The following CDK14 variants were observed in gnomAD, a reference collection of about 807,000 sequenced individuals.
CDK14 encodes cyclin dependent kinase 14, also known as cyclin-dependent kinase 14.
In CDK14, 34 loss-of-function variants were observed where a neutral mutation model predicts 60.7. That is an observed-to-expected ratio of 0.56 (90% confidence interval 0.43 to 0.75). The LOEUF (loss-of-function observed/expected upper bound fraction) is 0.75, where lower values mean the gene tolerates loss of function less well. Among genes scored for constraint, CDK14 ranks in the 30% least tolerant of loss-of-function variants. The pLI, the probability that CDK14 is intolerant of heterozygous loss-of-function variation, is 0.00. For missense variants in CDK14, 482 were observed against 564.1 expected (o/e 0.85, Z 1.47); for synonymous variants, 197 against 203.7 (o/e 0.97, Z 0.28).
intron 5 of CDK14, among the ~76,000 whole-genome samples, chr7:90,848,452 A>T (rs1374898031): frequency 6.6e-6 from 1 of 152,200 alleles, no homozygotes; most frequent in Non-Finnish European, 1.5e-5. Context: ...GCCTGGCAGT[A>T]TGGCCTGGGA....
In CDK14 at chr7:91,040,161, G is replaced by T. The variant is rs148006613; in HGVS notation, c.1042-5736G>T. 2.3e-4 allele frequency among the ~76,000 whole-genome samples: 35 copies of T among 152,264 alleles called. No homozygotes were observed. The East Asian group carries it at 5.6e-3, about 24-fold the overall frequency. On this transcript the variant is annotated intron_variant, in intron 10 of 14. Transcript: ENST00000380050. ...AAACCTTTCTCCTCGCCTTCCACCT[G>T]CCCTGTCTGCAGCACATTCGTTGTA...
intron 5 of CDK14, among the ~76,000 whole-genome samples, chr7:90,811,242 C>T (rs1170873881): frequency 6.6e-6 from 1 of 152,108 alleles, no homozygotes; most frequent in East Asian, 1.9e-4. Flanking sequence ...GTAACCAAAA[C>T]AGCATGGTAC....
chr7:91,164,503 G>C (rs1005409894), intron 14 of CDK14, among the ~76,000 whole-genome samples: 2 of 152,192 alleles, frequency 1.3e-5, no homozygotes, highest in East Asian at 3.8e-4. Flanking sequence ...TAAAGGAATT[G>C]GGGGATTTGT....
chr7:90,779,399 C>T (rs922978633), intron 4 of CDK14, among the ~76,000 whole-genome samples: 3 of 152,248 alleles, frequency 2.0e-5, no homozygotes, highest in East Asian at 1.9e-4. Context: ...ACTACAGGCA[C>T]GTGCCACCAT....
At chr7:91,069,315 G>A (rs953723175) in intron 11 of CDK14, among the ~76,000 whole-genome samples, 2 of 152,288 alleles carry the variant, frequency 1.3e-5, no homozygotes, top group Middle Eastern at 3.4e-3. Context: ...GAGGCGGGAG[G>A]ATCGCTTGAG....
At chr7:90,603,751 C>G (rs1799362898) in intron 1 of CDK14, among the ~76,000 whole-genome samples, 1 of 152,178 alleles carries the variant, frequency 6.6e-6, no homozygotes, top group Non-Finnish European at 1.5e-5. Context: ...CTTGTTTTAG[C>G]AGGCTTAGTC....
chr7:90,597,833 GTTT>G (rs11351927), intron 1 of CDK14, among the ~76,000 whole-genome samples: 6 of 138,610 alleles, frequency 4.3e-5, no homozygotes, highest in Non-Finnish European at 4.7e-5. Context: ...ATTTAGCCAA[GTTT>G]TTTTTTTTTT....
chr7:90,823,475 C>T (rs1178026751), intron 5 of CDK14, among the ~76,000 whole-genome samples: 1 of 152,194 alleles, frequency 6.6e-6, no homozygotes, highest in African/African-American at 2.4e-5. Flanking sequence ...GATGTACTTT[C>T]TCGTGGCACA....
intron 14 of CDK14, among the ~76,000 whole-genome samples, chr7:91,170,015 A>G (rs1466918361): frequency 6.6e-6 from 1 of 152,178 alleles, no homozygotes; most frequent in African/African-American, 2.4e-5. Flanking sequence ...TACCTTCCAC[A>G]TTTGGATAGA....
chr7:90,690,411 C>T (rs1801530213), intron 2 of CDK14, among the ~76,000 whole-genome samples: 1 of 152,270 alleles, frequency 6.6e-6, no homozygotes, highest in East Asian at 1.9e-4. Flanking sequence ...TAGTACCTGC[C>T]TTCCTCAAGG....
intron 10 of CDK14, among the ~76,000 whole-genome samples, chr7:90,985,751 G>T (rs893763983): frequency 6.6e-6 from 1 of 152,046 alleles, no homozygotes; most frequent in African/African-American, 2.4e-5. Context: ...CCTGTGAGTC[G>T]CTGTGTGCTA....
At chr7:91,026,715 A>G (rs567844153) in intron 10 of CDK14, among the ~76,000 whole-genome samples, 29 of 152,170 alleles carry the variant, frequency 1.9e-4, no homozygotes, top group Non-Finnish European at 3.4e-4. Context: ...TTCACACACC[A>G]TTTATATATG....
At chr7:91,121,282 G>C (rs1419570657) in intron 14 of CDK14, among the ~76,000 whole-genome samples, 1 of 152,180 alleles carries the variant, frequency 6.6e-6, no homozygotes, top group African/African-American at 2.4e-5. Flanking sequence ...TCTTTGTAAT[G>C]CCTAGAGAGA....
chr7:90,973,844 A>T (rs1392999387), intron 9 of CDK14, among the ~76,000 whole-genome samples: 1 of 152,156 alleles, frequency 6.6e-6, no homozygotes, highest in South Asian at 2.1e-4. Context: ...AGAATTACTG[A>T]TGAGGGTCTG....
intron 6 of CDK14, among the ~76,000 whole-genome samples, chr7:90,879,933 CTG>C (rs1189213656): frequency 6.6e-6 from 1 of 152,094 alleles, no homozygotes; most frequent in Non-Finnish European, 1.5e-5. Context: ...GCTGGGGAAA[CTG>C]TGCTTTTTCC....
intron 3 of CDK14, among the ~76,000 whole-genome samples, chr7:90,743,244 C>T (rs914322070): frequency 1.3e-5 from 2 of 152,002 alleles, no homozygotes; most frequent in Non-Finnish European, 2.9e-5. Context: ...ATTAATATAT[C>T]TATCATCTCA....
At chr7:90,984,045 C>T in intron 9 of CDK14, 103 bp from the exon 10 acceptor site, 2 of 760,692 alleles carry the variant, frequency 2.6e-6, no homozygotes, top group South Asian at 3.0e-5. Flanking sequence ...AAACAGTTTA[C>T]TCACCGCTTC....
chr7:91,051,619 A>G (rs904272269), intron 11 of CDK14, among the ~76,000 whole-genome samples: 1 of 152,170 alleles, frequency 6.6e-6, no homozygotes, highest in African/African-American at 2.4e-5. Context: ...CAGTAATTCC[A>G]TAACTTGGTG....
chr7:91,066,941 C>G (rs1798001507), intron 11 of CDK14, among the ~76,000 whole-genome samples: 1 of 152,174 alleles, frequency 6.6e-6, no homozygotes, highest in African/African-American at 2.4e-5. Flanking sequence ...AATTGCACTT[C>G]TCAGTTATGC....
Sources: allele counts gnomAD v4.1 joint callset (sites outside exome capture counted in the v4.1 genomes callset), GRCh38; gene constraint gnomAD v4.1.1; transcripts MANE v1.5; gene names NCBI Gene and HGNC (gene_info 2026-07-23, HGNC 2026-07-21).